The following GTF2E2 variants were observed in gnomAD, a reference collection of about 807,000 sequenced individuals.
The protein encoded by GTF2E2 is general transcription factor IIE subunit 2.
A neutral mutation model predicts 40.5 loss-of-function variants in GTF2E2; 21 were observed. The observed-to-expected ratio is 0.52, with a 90% confidence interval of 0.37 to 0.75. The LOEUF (loss-of-function observed/expected upper bound fraction) is 0.75, where lower values mean the gene tolerates loss of function less well. GTF2E2 is among the 30% of genes least tolerant of loss of function. GTF2E2 has a pLI of 0.00. For synonymous variants in GTF2E2, 117 were observed against 121.6 expected (o/e 0.96, Z 0.25); for missense variants, 298 against 338.4 (o/e 0.88, Z 0.94).
In GTF2E2 at chr8:30,614,693, G is replaced by GT. The variant is rs1396247566; in HGVS notation, c.280dup (p.Thr94AsnfsTer8). 1.2e-6 allele frequency: 2 copies of GT among 1,602,770 alleles called. No homozygotes were observed. The highest frequency in any genetic ancestry group is 1.7e-6 in the Non-Finnish European group (2 of 1,170,706). On this transcript the variant is annotated frameshift_variant, in exon 4 of 8. Transcript: ENST00000355904. LOFTEE classifies it high-confidence loss of function. ...AATTTCATCTAAGGTTAGAGGATGC[G>GT]TATCTCCTCGCTGATGCCGTGTCTA...
intron 6 of GTF2E2, among the ~76,000 whole-genome samples, chr8:30,590,126 C>G (rs1828802484): frequency 6.6e-6 from 1 of 152,186 alleles, no homozygotes; most frequent in Non-Finnish European, 1.5e-5. Context: ...CGGGCAGCCC[C>G]TGATCTGTTT....
rs534004525 is a variant in GTF2E2 at position 30,622,081 on chromosome 8, G to A, written c.259-7366C>T. On this transcript the variant is annotated intron_variant, in intron 3 of 7. Transcript: ENST00000355904. ...GTTGGTGTGCTGTACCCACTAACTC[G>A]TCCTTTACATTAGGTATATCTCCTA... Among the ~76,000 whole-genome samples, 81 of 150,884 alleles carry A rather than the reference G, an allele frequency of 5.4e-4. 1 individual carries two copies. The highest frequency in any genetic ancestry group is 8.4e-4 in the Non-Finnish European group (57 of 67,856).
chr8:30,643,801 G>T (rs1441591537), intron 2 of GTF2E2: 1 of 151,494 alleles, frequency 6.6e-6, no homozygotes, highest in Admixed American at 6.6e-5. Context: ...CATCTGCAAG[G>T]CTAGTAAGAA....
chr8:30,587,870 T>TC (rs1828726381), intron 6 of GTF2E2, among the ~76,000 whole-genome samples: 3 of 59,710 alleles, frequency 5.0e-5, no homozygotes, highest in African/African-American at 2.9e-4. Flanking sequence ...AGACTCCGTC[T>TC]TAAAAAAAAA....
At chr8:30,650,242 A>C (rs1802225659) in intron 2 of GTF2E2, among the ~76,000 whole-genome samples, 2 of 152,186 alleles carry the variant, frequency 1.3e-5, no homozygotes, top group Non-Finnish European at 1.5e-5. Context: ...ACCATAACCA[A>C]GTAGGATTTA....
chr8:30,626,876 A>C (rs1801293604), intron 3 of GTF2E2, among the ~76,000 whole-genome samples: 1 of 152,256 alleles, frequency 6.6e-6, no homozygotes, highest in South Asian at 2.1e-4. Context: ...GTGAAAAATC[A>C]CTGAAATAGA....
intron 6 of GTF2E2, among the ~76,000 whole-genome samples, chr8:30,589,193 G>A (rs1056136100): frequency 6.6e-6 from 1 of 152,148 alleles, no homozygotes; most frequent in African/African-American, 2.4e-5. Context: ...GGAAGCAGAG[G>A]TTGCAGTAAC....
intron 2 of GTF2E2, among the ~76,000 whole-genome samples, chr8:30,647,130 T>C (rs1290165876): frequency 2.0e-5 from 3 of 151,704 alleles, no homozygotes; most frequent in African/African-American, 4.8e-5. Flanking sequence ...AAAACAAATA[T>C]GGAGAATTAG....
chr8:30,605,954 C>A (rs1472826189), intron 6 of GTF2E2, among the ~76,000 whole-genome samples: 4 of 152,128 alleles, frequency 2.6e-5, no homozygotes, highest in Non-Finnish European at 1.5e-5. Context: ...AGCCACCATG[C>A]CCAGCCTTAA....
chr8:30,630,388 C>T (rs1463286758), intron 3 of GTF2E2, among the ~76,000 whole-genome samples: 23 of 152,148 alleles, frequency 1.5e-4, no homozygotes, highest in Admixed American at 1.5e-3. Context: ...CTATCTAATG[C>T]CTCCCCTGGA....
At chr8:30,643,203 T>C (rs769255897) in intron 2 of GTF2E2, among the ~76,000 whole-genome samples, 12 of 152,328 alleles carry the variant, frequency 7.9e-5, no homozygotes, top group Non-Finnish European at 1.6e-4. Flanking sequence ...GAAAACAATA[T>C]TGTGGTTATG....
chr8:30,620,227 TACACACACACAAACACACAC>T (rs1481049042), intron 3 of GTF2E2, among the ~76,000 whole-genome samples: 5 of 81,774 alleles, frequency 6.1e-5, no homozygotes, highest in African/African-American at 2.2e-4. Context: ...AGGAAACTTA[TACACACACACAAACACACAC>T]ACACACACAC....
chr8:30,630,838 C>T (rs970844737), intron 3 of GTF2E2, among the ~76,000 whole-genome samples: 15 of 152,080 alleles, frequency 9.9e-5, no homozygotes, highest in African/African-American at 3.1e-4. Flanking sequence ...TTGGCCCCTG[C>T]TGGAACATTC....
intron 6 of GTF2E2, among the ~76,000 whole-genome samples, chr8:30,597,710 G>C: frequency 6.6e-6 from 1 of 152,290 alleles, no homozygotes; most frequent in East Asian, 1.9e-4. Context: ...TGTTGTTGCT[G>C]TCAAGGTAGG....
At chr8:30,628,801 C>T (rs539389264) in intron 3 of GTF2E2, among the ~76,000 whole-genome samples, 3 of 152,166 alleles carry the variant, frequency 2.0e-5, no homozygotes, top group South Asian at 2.1e-4. Context: ...TGTGGTGGCA[C>T]ACGCCTGTAA....
At chr8:30,625,730 C>T (rs565201972) in intron 3 of GTF2E2, among the ~76,000 whole-genome samples, 2 of 152,278 alleles carry the variant, frequency 1.3e-5, no homozygotes, top group Admixed American at 1.3e-4. Context: ...TCCTGAGTAG[C>T]TGGGACTACA....
rs768260777 is a variant in GTF2E2, at chr8:30,580,273, T to C, written c.759+8A>G. 17 of 1,463,918 alleles carry C rather than the reference T, an allele frequency of 1.2e-5. No individual in the cohort carries two copies. The highest frequency in any genetic ancestry group is 3.3e-5 in the Admixed American group (2 of 59,786). The allele number at this position is 1,463,918 out of a possible 1,614,324, so 90.7% of individuals were successfully genotyped here. ...GGGGATTAAGCTGCTTTGCTAGAGATTACGCACCACTTTCTTTGGTCCAGA... is the reference window on the plus strand; with the variant it reads ...GGGGATTAAGCTGCTTTGCTAGAGACTACGCACCACTTTCTTTGGTCCAGA... On this transcript the variant is annotated splice_region_variant and intron_variant, in intron 7 of 7. Coordinates refer to ENST00000355904, the MANE Select transcript of GTF2E2 (RefSeq NM_002095.6).
intron 3 of GTF2E2, among the ~76,000 whole-genome samples, chr8:30,628,282 TC>T (rs1801343284): frequency 6.6e-6 from 1 of 152,204 alleles, no homozygotes; most frequent in Non-Finnish European, 1.5e-5. Context: ...AACTGAGGTT[TC>T]CTCTGCCTAT....
At chr8:30,596,355 G>A (rs1045175504) in intron 6 of GTF2E2, among the ~76,000 whole-genome samples, 1 of 152,134 alleles carries the variant, frequency 6.6e-6, no homozygotes, top group African/African-American at 2.4e-5. Context: ...CAAGTTCACA[G>A]ACTCCTTCTT....
Sources: gnomAD v4.1 joint callset for allele counts (sites outside exome capture counted in the v4.1 genomes callset) on GRCh38, gnomAD v4.1.1 for gene constraint, MANE v1.5 for transcripts, NCBI Gene and HGNC (gene_info 2026-07-23, HGNC 2026-07-21) for gene names.